Variants in SHOC2 observed in about 807,000 individuals in gnomAD.
The protein encoded by SHOC2 is SHOC2 leucine rich repeat scaffold protein, also known as leucine-rich repeat protein SHOC-2.
Under a neutral mutation model 50.2 loss-of-function variants are expected in SHOC2, and 4 were observed. The ratio of observed to expected loss-of-function variants is 0.08; its 90% confidence interval spans 0.04 to 0.18. The LOEUF is 0.18. SHOC2 is among the 10% of genes least tolerant of loss of function. The pLI is 1.00. For missense variants in SHOC2, 388 were observed against 669.6 expected (o/e 0.58, Z 4.64); for synonymous variants, 218 against 244.5 (o/e 0.89, Z 1.01).
chr10:110,951,353 C>T (rs540587301), intron 1 of SHOC2, among the ~76,000 whole-genome samples: 28 of 152,198 alleles, frequency 1.8e-4, no homozygotes, highest in African/African-American at 6.3e-4. Context: ...TTAGATGTCA[C>T]CTCATACCTA....
chr10:110,978,460 T>A lies in SHOC2; in HGVS notation c.704-7168T>A, dbSNP rs377311474. On this transcript the variant is annotated intron_variant, in intron 2 of 8. Transcript: ENST00000369452. Reference sequence around the variant, plus strand: ...TTGTAAGGGTGATGCTATTTGGTTATAGCCTTAAACCTAGGGTAAATTCCT... The same window carrying A: ...TTGTAAGGGTGATGCTATTTGGTTAAAGCCTTAAACCTAGGGTAAATTCCT... Among the ~76,000 whole-genome samples the A allele has an allele frequency of 1.6e-4, 25 of 152,352 alleles. No individual in the cohort carries two copies. In the East Asian group the frequency reaches 4.6e-3, roughly 28 times the overall value.
intron 1 of SHOC2, among the ~76,000 whole-genome samples, chr10:110,952,202 T>A (rs1334803841): frequency 6.6e-6 from 1 of 152,186 alleles, no homozygotes; most frequent in East Asian, 1.9e-4. Context: ...TAAAATATAG[T>A]CTTCACTTTT....
At chr10:110,977,411 A>C (rs1847897881) in intron 2 of SHOC2, among the ~76,000 whole-genome samples, 1 of 151,852 alleles carries the variant, frequency 6.6e-6, no homozygotes. Flanking sequence ...ACACCCGGCT[A>C]ATTTTGTGTT....
At chr10:110,926,522 C>T (rs1846778036) in intron 1 of SHOC2, among the ~76,000 whole-genome samples, 1 of 152,058 alleles carries the variant, frequency 6.6e-6, no homozygotes, top group African/African-American at 2.4e-5. Context: ...GAAATTACTC[C>T]TAGAGGGATA....
At chr10:110,954,788 T>C (rs1250735397) in intron 1 of SHOC2, among the ~76,000 whole-genome samples, 2 of 152,138 alleles carry the variant, frequency 1.3e-5, no homozygotes, top group African/African-American at 2.4e-5. Flanking sequence ...CTAAATATTA[T>C]AAAGAGTCAG....
At chr10:110,919,548 G>A, upstream of SHOC2, 1 of 388,508 alleles carries the variant, frequency 2.6e-6, no homozygotes, top group Non-Finnish European at 4.5e-6. Flanking sequence ...GGGGCGAGTG[G>A]GGGAGGGGCG....
intron 3 of SHOC2, among the ~76,000 whole-genome samples, chr10:110,994,773 A>G (rs1054721822): frequency 2.0e-5 from 3 of 152,204 alleles, no homozygotes; most frequent in Non-Finnish European, 4.4e-5. Context: ...ATGGTTATCT[A>G]AGGAAAATAG....
chr10:110,975,783 C>T (rs1847867093), intron 2 of SHOC2, among the ~76,000 whole-genome samples: 1 of 152,170 alleles, frequency 6.6e-6, no homozygotes, highest in African/African-American at 2.4e-5. Context: ...TGCTGTGCTT[C>T]TCCACTTTAA....
chr10:110,998,309 A>T (rs903815054), intron 3 of SHOC2, among the ~76,000 whole-genome samples: 2 of 151,958 alleles, frequency 1.3e-5, no homozygotes, highest in African/African-American at 4.8e-5. Flanking sequence ...TAACGCAGTG[A>T]TAGCAATAGT....
At chr10:110,968,696 G>C (rs1443896337) in intron 2 of SHOC2, among the ~76,000 whole-genome samples, 1 of 151,888 alleles carries the variant, frequency 6.6e-6, no homozygotes. Flanking sequence ...TCAACTACTG[G>C]GAAGACTGAG....
At chr10:111,003,968 G>T (rs974971999) in intron 4 of SHOC2, among the ~76,000 whole-genome samples, 3 of 152,156 alleles carry the variant, frequency 2.0e-5, no homozygotes, top group Non-Finnish European at 2.9e-5. Context: ...GTTAAATGGT[G>T]AGAGGCTAAA....
chr10:110,986,958 G>T (rs1009413941), intron 3 of SHOC2, among the ~76,000 whole-genome samples: 6 of 152,190 alleles, frequency 3.9e-5, no homozygotes, highest in African/African-American at 7.2e-5. Context: ...AAGTTTTGCT[G>T]CAGGCTAACT....
chr10:110,969,743 T>A (rs948537086), intron 2 of SHOC2, among the ~76,000 whole-genome samples: 3 of 152,180 alleles, frequency 2.0e-5, no homozygotes, highest in African/African-American at 7.2e-5. Context: ...ATGCTACATA[T>A]TTATGTAGTA....
At chr10:110,974,736 A>G (rs769190295) in intron 2 of SHOC2, among the ~76,000 whole-genome samples, 6 of 152,102 alleles carry the variant, frequency 3.9e-5, no homozygotes, top group Non-Finnish European at 8.8e-5. Context: ...CTTTGAAATA[A>G]TATTGTATTA....
At chr10:110,932,102 G>A (rs1163156292) in intron 1 of SHOC2, among the ~76,000 whole-genome samples, 3 of 152,180 alleles carry the variant, frequency 2.0e-5, no homozygotes, top group Non-Finnish European at 2.9e-5. Context: ...GTGAAGAATT[G>A]TAAATCTGTG....
intron 4 of SHOC2, among the ~76,000 whole-genome samples, chr10:111,002,779 CA>C (rs11307789): frequency 0.75 from 111,346 of 148,324 alleles, 41,707 homozygotes; most frequent in Admixed American, 0.84. Flanking sequence ...CTCATTCTAA[CA>C]AAAAAAAAAA....
At chr10:110,975,354 A>G (rs1354894263) in intron 2 of SHOC2, among the ~76,000 whole-genome samples, 1 of 151,908 alleles carries the variant, frequency 6.6e-6, no homozygotes, top group Non-Finnish European at 1.5e-5. Flanking sequence ...ACGGGGTTTC[A>G]CCGTGTCTCG....
intron 3 of SHOC2, among the ~76,000 whole-genome samples, chr10:110,994,659 T>C (rs1244798171): frequency 1.3e-5 from 2 of 152,182 alleles, no homozygotes; most frequent in Non-Finnish European, 2.9e-5. Context: ...ATGATCTCAT[T>C]TATATGAAAG....
chr10:110,926,792 T>C (rs1013637264), intron 1 of SHOC2, among the ~76,000 whole-genome samples: 1 of 152,226 alleles, frequency 6.6e-6, no homozygotes, highest in Non-Finnish European at 1.5e-5. Flanking sequence ...TTAAAACTTT[T>C]ACTGTGTTAA....
Sources: gnomAD v4.1 joint callset for allele counts (sites outside exome capture counted in the v4.1 genomes callset) on GRCh38, gnomAD v4.1.1 for gene constraint, MANE v1.5 for transcripts, NCBI Gene and HGNC (gene_info 2026-07-23, HGNC 2026-07-21) for gene names.